The following WDR48 variants were observed in gnomAD, a reference collection of about 807,000 sequenced individuals.
WDR48 encodes WD repeat domain 48, also known as WD repeat-containing protein 48.
A neutral mutation model predicts 94.0 loss-of-function variants in WDR48; 22 were observed. The observed-to-expected ratio is 0.23, with a 90% CI of 0.17 to 0.33. The LOEUF is 0.33. WDR48 is among the 10% of genes least tolerant of loss of function. WDR48 has a pLI of 1.00. For synonymous variants in WDR48, 278 were observed against 280.5 expected (o/e 0.99, Z 0.09); for missense variants, 541 against 813.8 (o/e 0.66, Z 4.08).
chr3:39,076,539 T>C (rs1279774298), intron 8 of WDR48, among the ~76,000 whole-genome samples: 1 of 152,230 alleles, frequency 6.6e-6, no homozygotes, highest in Non-Finnish European at 1.5e-5. Flanking sequence ...AGTCCTGCCC[T>C]GTTCCCATCA....
intron 1 of WDR48, among the ~76,000 whole-genome samples, chr3:39,054,581 A>G (rs1230350897): frequency 6.6e-6 from 1 of 152,258 alleles, no homozygotes; most frequent in African/African-American, 2.4e-5. Flanking sequence ...AAATTTTTAA[A>G]TAAACATTCC....
intron 5 of WDR48, among the ~76,000 whole-genome samples, chr3:39,067,815 T>C (rs2033698067): frequency 2.6e-5 from 4 of 152,214 alleles, no homozygotes; most frequent in African/African-American, 7.2e-5. Context: ...TGCCTTGTTT[T>C]CCAGGAAATA....
At chr3:39,053,519 G>A (rs1285721687) in intron 1 of WDR48, among the ~76,000 whole-genome samples, 1 of 152,182 alleles carries the variant, frequency 6.6e-6, no homozygotes. Flanking sequence ...CAGCATCCAA[G>A]GCAGGTAGTG....
intron 1 of WDR48, among the ~76,000 whole-genome samples, chr3:39,056,428 T>C (rs1225926965): frequency 6.6e-6 from 1 of 152,202 alleles, no homozygotes; most frequent in Non-Finnish European, 1.5e-5. Flanking sequence ...GGAGCTTAAG[T>C]GCCGCAAATT....
intron 6 of WDR48, 72 bp from the exon 7 acceptor site, chr3:39,069,571 A>C: frequency 4.7e-6 from 6 of 1,289,594 alleles, no homozygotes; most frequent in Non-Finnish European, 6.6e-6. Context: ...CATTTGACTT[A>C]TGAGAGTTGT....
intron 1 of WDR48, among the ~76,000 whole-genome samples, chr3:39,058,362 G>A (rs2033034163): frequency 6.6e-6 from 1 of 152,208 alleles, no homozygotes; most frequent in African/African-American, 2.4e-5. Context: ...GCATTTTAAA[G>A]CACACGTCTT....
At chr3:39,067,888 T>C (rs1178714368) in intron 5 of WDR48, among the ~76,000 whole-genome samples, 4 of 152,194 alleles carry the variant, frequency 2.6e-5, no homozygotes, top group African/African-American at 9.7e-5. Context: ...TTATCTCTGA[T>C]TCATTAGCTG....
chr3:39,063,597 C>T (rs963455661), intron 2 of WDR48, among the ~76,000 whole-genome samples: 2 of 152,042 alleles, frequency 1.3e-5, no homozygotes, highest in Non-Finnish European at 2.9e-5. Flanking sequence ...TTTTATTTTC[C>T]TCACTTAAAA....
chr3:39,053,142 A>G lies in WDR48; in HGVS notation c.48+1069A>G, dbSNP rs140564097. Among the ~76,000 whole-genome samples, 456 of 152,352 alleles carry G rather than the reference A, an allele frequency of 3.0e-3. 18 individuals are homozygous for G. The East Asian group carries it at 0.08, about 27-fold the overall frequency. ...GTGGTAGTGGCAGTTTGGTGCATTT[A>G]TTCATTAAACATTTACCTAGCACTT... is the stretch of plus-strand genomic sequence containing the variant. On this transcript the variant is annotated intron_variant, in intron 1 of 18. Coordinates refer to ENST00000302313, the MANE Select transcript of WDR48 (RefSeq NM_020839.4).
At chr3:39,056,633 A>C (rs563997263) in intron 1 of WDR48, among the ~76,000 whole-genome samples, 1 of 152,360 alleles carries the variant, frequency 6.6e-6, no homozygotes, top group African/African-American at 2.4e-5. Flanking sequence ...ATCAGTGGCA[A>C]CATTGGATGC....
At chr3:39,073,216 C>T (rs1345358844) in intron 7 of WDR48, among the ~76,000 whole-genome samples, 2 of 152,272 alleles carry the variant, frequency 1.3e-5, no homozygotes, top group East Asian at 3.9e-4. Flanking sequence ...CATCAGATTG[C>T]CACATTTCTC....
At position 39,094,959 on chromosome 3, in the gene WDR48, A is replaced by C; in HGVS notation, c.*216A>C. The C allele has an allele frequency of 1.6e-6, 1 of 606,452 alleles. No individual in the cohort carries two copies. Among genetic ancestry groups the C allele is most frequent in the Non-Finnish European group, 2.8e-6 (1 of 352,766 alleles). The allele number at this position is 606,452 out of a possible 1,614,324, so 37.6% of individuals were successfully genotyped here. A position where few individuals can be genotyped will look rare whatever the true frequency, so the allele number is the denominator to read the frequency against. On this transcript the variant is annotated 3_prime_UTR_variant, in exon 19 of 19. Coordinates refer to ENST00000302313, the MANE Select transcript of WDR48 (RefSeq NM_020839.4). ...AGCTGTCCCCAGGGAAGCAGAGTGCAAGAGCAGAAGAGCCCCAAGCAGACT... is the reference window on the plus strand; with the variant it reads ...AGCTGTCCCCAGGGAAGCAGAGTGCCAGAGCAGAAGAGCCCCAAGCAGACT...
At chr3:39,078,767 T>TTA (rs1559616840) in intron 10 of WDR48, among the ~76,000 whole-genome samples, 5 of 150,874 alleles carry the variant, frequency 3.3e-5, no homozygotes, top group African/African-American at 9.7e-5. Flanking sequence ...GCGCGGTGGC[T>TTA]CGCCTGTAAT....
rs756602172 is a variant in WDR48 at position 39,074,964 on chromosome 3, T to G, written c.897+14T>G. On this transcript the variant is annotated intron_variant, in intron 8 of 18. Transcript: ENST00000302313. ...CCAGTTCTCAAGGTATGTCATATGT[T>G]AATATTTTAGTTTTATAATTAAGGT... 6.2e-7 allele frequency: 1 copy of G among 1,610,918 alleles called. No individual in the cohort carries two copies. The highest frequency in any genetic ancestry group is 1.3e-5 in the African/African-American group (1 of 74,618).
At chr3:39,070,501 A>G (rs979119006) in intron 7 of WDR48, among the ~76,000 whole-genome samples, 5 of 152,170 alleles carry the variant, frequency 3.3e-5, no homozygotes, top group African/African-American at 1.2e-4. Flanking sequence ...GGAAGTTAAG[A>G]CTTTAGACAT....
At chr3:39,081,741 T>A (rs1047888594) in intron 11 of WDR48, among the ~76,000 whole-genome samples, 5 of 152,132 alleles carry the variant, frequency 3.3e-5, no homozygotes, top group Non-Finnish European at 7.4e-5. Context: ...TCTTTGAGAG[T>A]TGACCTATCT....
At chr3:39,065,949 C>T (rs1385052028) in intron 3 of WDR48, 60 bp downstream of exon 3, 1 of 1,297,462 alleles carries the variant, frequency 7.7e-7, no homozygotes, top group African/African-American at 1.5e-5. Flanking sequence ...TTTATATAAG[C>T]TTTTTTATTG....
intron 14 of WDR48, among the ~76,000 whole-genome samples, chr3:39,085,916 C>T (rs1575430576): frequency 6.6e-6 from 1 of 152,192 alleles, no homozygotes; most frequent in Non-Finnish European, 1.5e-5. Context: ...CCAAAATATT[C>T]TTCAAGGTAC....
rs143261595 is a variant in WDR48 at position 39,088,240 on chromosome 3, G to C, written c.1580+7G>C. ...GAGGTCGCACACTGTTCAGGTATGG[G>C]TAAGAAAGACAAGAGGTTCTGCCTG... On this transcript the variant is annotated splice_region_variant and intron_variant, in intron 15 of 18. Coordinates refer to ENST00000302313, the MANE Select transcript of WDR48 (RefSeq NM_020839.4). The C allele has an allele frequency of 1.7e-5, 27 of 1,613,788 alleles. No homozygotes were observed. In the Admixed American group the frequency reaches 4.2e-4, roughly 25 times the overall value.
Sources: gnomAD v4.1 joint callset for allele counts (sites outside exome capture counted in the v4.1 genomes callset) on GRCh38, gnomAD v4.1.1 for gene constraint, MANE v1.5 for transcripts, NCBI Gene and HGNC (gene_info 2026-07-23, HGNC 2026-07-21) for gene names.